SLC24A3: variants seen among roughly 807,000 people sequenced by gnomAD.
SLC24A3 encodes solute carrier family 24 member 3.
SLC24A3 carries 28 observed loss-of-function variants against 75.8 expected under a neutral mutation model. That is an observed-to-expected ratio of 0.37 (90% CI 0.27 to 0.51). SLC24A3 has a LOEUF of 0.51. SLC24A3 is among the 20% of genes least tolerant of loss of function. The probability of loss-of-function intolerance (pLI) is 0.94; values close to 1 mark genes in which losing one functional copy is unlikely to be tolerated. For synonymous variants in SLC24A3, 372 were observed against 334.1 expected, an observed-to-expected ratio of 1.11 and a Z score of -1.24; for missense variants, 663 against 847.8, an observed-to-expected ratio of 0.78 and a Z score of 2.71.
At chr20:19,277,021 T>TAA (rs1983510571) in intron 1 of SLC24A3, among the ~76,000 whole-genome samples, 2 of 152,226 alleles carry the variant, frequency 1.3e-5, no homozygotes, top group Admixed American at 1.3e-4. Context: ...CAGTGAGACT[T>TAA]ATTTACCTCT....
chr20:19,296,759 A>C (rs1052187317), intron 2 of SLC24A3, among the ~76,000 whole-genome samples: 10 of 152,216 alleles, frequency 6.6e-5, no homozygotes, highest in South Asian at 2.1e-4. Flanking sequence ...ATAGACATCT[A>C]CAGAGCTTTC....
chr20:19,289,872 A>G (rs1983897909), intron 2 of SLC24A3, among the ~76,000 whole-genome samples: 1 of 152,164 alleles, frequency 6.6e-6, no homozygotes, highest in Non-Finnish European at 1.5e-5. Context: ...TAGAGACATG[A>G]GGGGCACCTC....
chr20:19,677,444 T>C (rs1301036177), intron 9 of SLC24A3, among the ~76,000 whole-genome samples: 2 of 152,172 alleles, frequency 1.3e-5, no homozygotes, highest in Admixed American at 1.3e-4. Flanking sequence ...GGAGGCCTTT[T>C]CACTAACAGG....
At chr20:19,430,055 G>C (rs748047294) in intron 2 of SLC24A3, among the ~76,000 whole-genome samples, 2 of 152,308 alleles carry the variant, frequency 1.3e-5, no homozygotes, top group South Asian at 2.1e-4. Context: ...GAGTCCCAAG[G>C]GGGAGAGGGA....
chr20:19,296,989 A>G (rs2122241510), intron 2 of SLC24A3, among the ~76,000 whole-genome samples: 1 of 152,282 alleles, frequency 6.6e-6, no homozygotes, highest in Non-Finnish European at 1.5e-5. Flanking sequence ...AGCCAGCTGT[A>G]TTTTCTTCTC....
chr20:19,471,595 G>A (rs1987872133), intron 2 of SLC24A3, among the ~76,000 whole-genome samples: 1 of 152,078 alleles, frequency 6.6e-6, no homozygotes. Flanking sequence ...TCAAGACAAG[G>A]ACATTTAACA....
chr20:19,272,451 A>G (rs947518226), intron 1 of SLC24A3, among the ~76,000 whole-genome samples: 3 of 152,246 alleles, frequency 2.0e-5, no homozygotes, highest in African/African-American at 7.2e-5. Context: ...TGCTGGGCAC[A>G]TGAGTCACCT....
chr20:19,681,861 T>C lies in SLC24A3; in HGVS notation c.771T>C (p.Tyr257=), dbSNP rs150933787. The change falls in exon 10 of 17, where the codon TAT becomes TAC. Residue 257 remains tyrosine, a synonymous_variant. Transcript: ENST00000328041. The part of the protein sequence containing the change: ...MYLIYIVIMK[Y]NACIHQCFER... ...GCCCACTTGTCGCTTTGCTCAGATA[T>C]AACGCTTGCATACATCAGTGCTTTG... is the stretch of plus-strand genomic sequence containing the variant. The C allele has an allele frequency of 3.7e-6, 6 of 1,614,116 alleles. No homozygotes were observed. Among genetic ancestry groups the C allele is most frequent in the Non-Finnish European group, 5.1e-6 (6 of 1,180,010 alleles).
At chr20:19,369,939 G>GT (rs1364538781) in intron 2 of SLC24A3, among the ~76,000 whole-genome samples, 1 of 152,094 alleles carries the variant, frequency 6.6e-6, no homozygotes, top group Non-Finnish European at 1.5e-5. Flanking sequence ...AAGTGCTGAG[G>GT]TTACAAGCGT....
Position 19,673,620 on chromosome 20 carries a change from G to C in SLC24A3, c.733G>C (p.Val245Leu), listed in dbSNP as rs746032013. 1.2e-6 allele frequency: 2 copies of C among 1,614,070 alleles called. No homozygotes were observed. Among genetic ancestry groups the C allele is most frequent in the Admixed American group, 1.7e-5 (1 of 60,016 alleles). Residue 245 changes from valine to leucine, a missense_variant, in exon 9 of 17, where the codon GTG (valine) becomes CTG (leucine). Transcript: ENST00000328041. Reference sequence around the variant, plus strand: ...ACACAGGTGGGAGTCTTTAGTCCTTGTGCTGATGTATCTTATCTACATTGT... The same window carrying C: ...ACACAGGTGGGAGTCTTTAGTCCTTCTGCTGATGTATCTTATCTACATTGT... ...KVSWWESLVLVLMYLIYIVIM... is the reference protein window; with the variant it reads ...KVSWWESLVLLLMYLIYIVIM...
At chr20:19,678,877 G>A (rs1308917515) in intron 9 of SLC24A3, among the ~76,000 whole-genome samples, 1 of 151,966 alleles carries the variant, frequency 6.6e-6, no homozygotes, top group Non-Finnish European at 1.5e-5. Context: ...GTCGCGGCCG[G>A]GCAGAGGCTC....
intron 6 of SLC24A3, among the ~76,000 whole-genome samples, chr20:19,642,582 CA>C (rs2032089149): frequency 6.6e-6 from 1 of 152,160 alleles, no homozygotes; most frequent in Non-Finnish European, 1.5e-5. Context: ...GCCTTCTCTG[CA>C]CAATATAAGC....
At chr20:19,305,943 A>G (rs777642174) in intron 2 of SLC24A3, among the ~76,000 whole-genome samples, 4 of 152,310 alleles carry the variant, frequency 2.6e-5, no homozygotes, top group African/African-American at 7.2e-5. Flanking sequence ...TAAAAAGACA[A>G]CCTACAGAAT....
intron 1 of SLC24A3, among the ~76,000 whole-genome samples, chr20:19,218,039 C>T (rs1415958968): frequency 1.3e-5 from 2 of 152,176 alleles, no homozygotes; most frequent in Non-Finnish European, 2.9e-5. Flanking sequence ...ACTTTCCGTA[C>T]CTCTGTACCC....
chr20:19,433,455 T>C (rs1987138531), intron 2 of SLC24A3, among the ~76,000 whole-genome samples: 1 of 152,238 alleles, frequency 6.6e-6, no homozygotes, highest in South Asian at 2.1e-4. Context: ...TTCTCCAAGA[T>C]GCAGAGTATT....
chr20:19,543,093 G>A (rs1291718966), intron 3 of SLC24A3, among the ~76,000 whole-genome samples: 7 of 152,196 alleles, frequency 4.6e-5, no homozygotes, highest in Non-Finnish European at 8.8e-5. Flanking sequence ...TCATGGCCTT[G>A]TCTATTCCTC....
chr20:19,389,869 G>A (rs1354580434), intron 2 of SLC24A3, among the ~76,000 whole-genome samples: 1 of 152,034 alleles, frequency 6.6e-6, no homozygotes, highest in African/African-American at 2.4e-5. Flanking sequence ...TTATTGGTAT[G>A]CTTGATTGTG....
At chr20:19,465,381 A>ATT (rs5840845) in intron 2 of SLC24A3, among the ~76,000 whole-genome samples, 58,451 of 142,886 alleles carry the variant, frequency 0.41, 14,078 homozygotes, top group Non-Finnish European at 0.55. Context: ...GGGCTGGAGA[A>ATT]TTTTTTTTTT....
chr20:19,258,607 C>T (rs1260447802), intron 1 of SLC24A3, among the ~76,000 whole-genome samples: 7 of 152,084 alleles, frequency 4.6e-5, no homozygotes, highest in African/African-American at 1.2e-4. Flanking sequence ...GAGGCTGAGG[C>T]GGAAGAATCA....
Sources: gnomAD v4.1 joint callset for allele counts (sites outside exome capture counted in the v4.1 genomes callset) on GRCh38, gnomAD v4.1.1 for gene constraint, MANE v1.5 for transcripts, NCBI Gene and HGNC (gene_info 2026-07-23, HGNC 2026-07-21) for gene names.